Variants in SLIT1 observed in about 807,000 individuals in gnomAD.
SLIT1 encodes slit guidance ligand 1.
Under a neutral mutation model 186.1 loss-of-function variants are expected in SLIT1, and 66 were observed. That is an observed-to-expected ratio of 0.35 (90% CI 0.29 to 0.44). SLIT1 has a LOEUF of 0.44. SLIT1 is among the 20% of genes least tolerant of loss of function. SLIT1 has a pLI of 1.00. For synonymous variants in SLIT1, 761 were observed against 833.8 expected (o/e 0.91, Z 1.50); for missense variants, 1,638 against 2,037.4 (o/e 0.80, Z 3.77).
chr10:97,023,801 G>C lies in SLIT1; in HGVS notation c.2583-2388C>G, dbSNP rs926749140. 2.0e-5 allele frequency among the ~76,000 whole-genome samples: 3 copies of C among 152,118 alleles called. No homozygotes were observed. The South Asian group carries it at 6.2e-4, about 32-fold the overall frequency. ...CTACTAAAAGTACAAAAATTAGCCG[G>C]GTGTGGTGGCACATGCCTGTAGCCC... On this transcript the variant is annotated intron_variant, in intron 25 of 36. Transcript: ENST00000266058.
chr10:97,183,593 T>A (rs1170580593), intron 1 of SLIT1, among the ~76,000 whole-genome samples: 1 of 152,210 alleles, frequency 6.6e-6, no homozygotes, highest in Non-Finnish European at 1.5e-5. Context: ...GAATGCCACC[T>A]CTTTCCTCTG....
chr10:97,118,327 A>C (rs1305098770), intron 4 of SLIT1, among the ~76,000 whole-genome samples: 2 of 152,138 alleles, frequency 1.3e-5, no homozygotes, highest in African/African-American at 4.8e-5. Flanking sequence ...TGAACTTCCC[A>C]AAGAACTCAG....
chr10:97,085,019 G>T (rs1459596864), intron 4 of SLIT1, among the ~76,000 whole-genome samples: 1 of 149,202 alleles, frequency 6.7e-6, no homozygotes, highest in African/African-American at 2.5e-5. Flanking sequence ...CACCTCCCAG[G>T]TTCATGCCAT....
chr10:97,002,440 C>T (rs1564650955), intron 35 of SLIT1, 71 bp from the exon 36 acceptor site: 11 of 1,206,520 alleles, frequency 9.1e-6, no homozygotes, highest in South Asian at 3.0e-5. Context: ...GCCCGCCCCA[C>T]CTGACACAGC....
intron 4 of SLIT1, among the ~76,000 whole-genome samples, chr10:97,150,900 G>A (rs891791107): frequency 2.0e-5 from 3 of 152,180 alleles, no homozygotes; most frequent in African/African-American, 7.2e-5. Context: ...ACCTGTGTAT[G>A]TCCATGGAAA....
chr10:97,176,941 G>A (rs375746907), intron 1 of SLIT1, among the ~76,000 whole-genome samples: 187 of 152,226 alleles, frequency 1.2e-3, no homozygotes, highest in African/African-American at 4.1e-3. Flanking sequence ...GTGAGTCCTC[G>A]AAGGATGTGC....
intron 5 of SLIT1, chr10:97,065,791 C>T: frequency 2.0e-6 from 1 of 508,126 alleles, no homozygotes; most frequent in Non-Finnish European, 3.6e-6. Flanking sequence ...AGGGCCCCCT[C>T]CGTTGGCTCT....
At chr10:97,174,733 C>G (rs1000781362) in intron 1 of SLIT1, among the ~76,000 whole-genome samples, 1 of 152,258 alleles carries the variant, frequency 6.6e-6, no homozygotes, top group Non-Finnish European at 1.5e-5. Flanking sequence ...CCTTGTCAGT[C>G]TTGACTGACA....
intron 4 of SLIT1, among the ~76,000 whole-genome samples, chr10:97,085,900 A>G (rs1021856839): frequency 7.2e-5 from 11 of 152,226 alleles, no homozygotes; most frequent in African/African-American, 2.4e-4. Context: ...ATGTTTTGAC[A>G]TTAACAAACA....
In SLIT1 at chr10:97,062,233, A is replaced by G. The variant is rs187118591; in HGVS notation, c.793+1222T>C. On this transcript the variant is annotated intron_variant, in intron 8 of 36. Transcript: ENST00000266058. Reference sequence around the variant, plus strand: ...CACTCATACGCACATCTGCATGCACACACACACACAGCAGTGCAGAGCACA... The same window carrying G: ...CACTCATACGCACATCTGCATGCACGCACACACACAGCAGTGCAGAGCACA... Among the ~76,000 whole-genome samples the G allele has an allele frequency of 6.4e-4, 97 of 152,178 alleles. No homozygotes were observed. In the East Asian group the frequency reaches 0.016, roughly 26 times the overall value.
In SLIT1 at chr10:97,094,174, C is replaced by A. The variant is rs746655532; in HGVS notation, c.414-28088G>T. ...GGCCAAGGCCAAAAAGCATGTTGAC[C>A]TGTGGGAAGAATTCAAGGCAGCTAG... On this transcript the variant is annotated intron_variant, in intron 4 of 36. Coordinates refer to ENST00000266058, the MANE Select transcript of SLIT1 (RefSeq NM_003061.3). Among the ~76,000 whole-genome samples, 95 of 152,364 alleles carry A rather than the reference C, an allele frequency of 6.2e-4. 1 individual carries two copies. The highest frequency in any genetic ancestry group is 8.4e-4 in the Non-Finnish European group (57 of 68,034).
Position 97,169,077 on chromosome 10 carries a change from TA to T in SLIT1, c.198-4188del, listed in dbSNP as rs373554471. Among the ~76,000 whole-genome samples, 549 of 152,020 alleles carry T rather than the reference TA, an allele frequency of 3.6e-3. 3 individuals carry two copies. The highest frequency in any genetic ancestry group is 0.012 in the African/African-American group (497 of 41,460). ...AGTCCCACCCCTCCTCCTCACTTCC[TA>T]CACCCCACTCCACACAAGACCTAAG... is the stretch of plus-strand genomic sequence containing the variant. On this transcript the variant is annotated intron_variant, in intron 1 of 36. Transcript: ENST00000266058.
rs533928144 is a variant in SLIT1, at chr10:97,084,336, T to C, written c.414-18250A>G. Reference sequence around the variant, plus strand: ...CTGCCTGCCTCATTCTCTCCATCCCTAGACCAGGGGTCCCCACCTGGGCTG... The same window carrying C: ...CTGCCTGCCTCATTCTCTCCATCCCCAGACCAGGGGTCCCCACCTGGGCTG... On this transcript the variant is annotated intron_variant, in intron 4 of 36. Transcript: ENST00000266058. Among the ~76,000 whole-genome samples, 13 of 152,280 alleles carry C rather than the reference T, an allele frequency of 8.5e-5. No individual in the cohort carries two copies. The South Asian group carries it at 2.5e-3, about 29-fold the overall frequency.
chr10:97,134,134 G>A (rs766661132), intron 4 of SLIT1, among the ~76,000 whole-genome samples: 1 of 152,044 alleles, frequency 6.6e-6, no homozygotes, highest in Non-Finnish European at 1.5e-5. Context: ...AAGAGGCTGG[G>A]GCGGCCTCAC....
intron 31 of SLIT1, among the ~76,000 whole-genome samples, chr10:97,008,183 T>A (rs1848377832): frequency 6.6e-6 from 1 of 152,148 alleles, no homozygotes; most frequent in Non-Finnish European, 1.5e-5. Flanking sequence ...AGCAAGATTG[T>A]AGAATACCAG....
intron 4 of SLIT1, among the ~76,000 whole-genome samples, chr10:97,121,908 T>C (rs1413508493): frequency 1.3e-5 from 2 of 152,238 alleles, no homozygotes; most frequent in Non-Finnish European, 2.9e-5. Flanking sequence ...ATCATTGCTA[T>C]AATATATTCC....
chr10:97,076,383 G>A (rs1452924872), intron 4 of SLIT1, among the ~76,000 whole-genome samples: 1 of 152,176 alleles, frequency 6.6e-6, no homozygotes, highest in Admixed American at 6.5e-5. Context: ...TGGGTGGGAC[G>A]CTGGGATGCA....
intron 21 of SLIT1, among the ~76,000 whole-genome samples, chr10:97,038,128 C>T (rs964075031): frequency 2.6e-5 from 4 of 152,092 alleles, no homozygotes; most frequent in Non-Finnish European, 5.9e-5. Context: ...TGCACGTTAC[C>T]GGGCCCTGCC....
At chr10:97,168,168 A>G (rs892383965) in intron 1 of SLIT1, among the ~76,000 whole-genome samples, 1 of 152,152 alleles carries the variant, frequency 6.6e-6, no homozygotes, top group African/African-American at 2.4e-5. Flanking sequence ...CAGTGTTTTC[A>G]TTTTTTAAAA....
Sources: gnomAD v4.1 joint callset for allele counts (sites outside exome capture counted in the v4.1 genomes callset) on GRCh38, gnomAD v4.1.1 for gene constraint, MANE v1.5 for transcripts, NCBI Gene and HGNC (gene_info 2026-07-23, HGNC 2026-07-21) for gene names.